SCNN1A: variants seen among roughly 807,000 people sequenced by gnomAD.
SCNN1A encodes sodium channel epithelial 1 subunit alpha.
A neutral mutation model predicts 68.6 loss-of-function variants in SCNN1A; 65 were observed. That is an observed-to-expected ratio of 0.95 (90% CI 0.78 to 1.16). The LOEUF (loss-of-function observed/expected upper bound fraction) is 1.16. SCNN1A is among the 50% of genes most tolerant of loss of function. The pLI is 0.00. For missense variants in SCNN1A, 880 were observed against 865.9 expected (o/e 1.02, Z -0.20); for synonymous variants, 357 against 353.3 (o/e 1.01, Z -0.12).
At chr12:6,359,087 G>C (rs1027684045) in intron 4 of SCNN1A, among the ~76,000 whole-genome samples, 2 of 152,160 alleles carry the variant, frequency 1.3e-5, no homozygotes, top group Non-Finnish European at 2.9e-5. Flanking sequence ...TCAGGGCTTG[G>C]AGGAGGGGAG....
chr12:6,374,794 A>G lies in SCNN1A; in HGVS notation c.-11T>C, dbSNP rs1405821366. On this transcript the variant is annotated 5_prime_UTR_variant, in exon 2 of 13. Transcript: ENST00000228916. The surrounding 1 kb of genome is among the most constrained non-coding windows in gnomAD (Gnocchi z 6.2). ...CTTGTTCCCCTCCATGAGACCTGGT[A>G]TGGGCTGCAGAGGTCTAGGGTCCTG... 1.2e-6 allele frequency: 2 copies of G among 1,613,364 alleles called. No homozygotes were observed. Among genetic ancestry groups the G allele is most frequent in the Non-Finnish European group, 1.7e-6 (2 of 1,179,854 alleles).
chr12:6,350,574 C>T (rs527610310), intron 8 of SCNN1A, among the ~76,000 whole-genome samples: 65 of 152,264 alleles, frequency 4.3e-4, no homozygotes, highest in African/African-American at 1.4e-3. Flanking sequence ...CGGTGGCTCA[C>T]GCCTGTAATA....
chr12:6,349,132 C>A (rs373941745), intron 10 of SCNN1A, 32 bp downstream of exon 10: 3 of 1,609,728 alleles, frequency 1.9e-6, no homozygotes, highest in African/African-American at 2.7e-5. Context: ...TGGGCACACA[C>A]ATCCCCCACC....
At chr12:6,361,165 T>C (rs545243001) in intron 4 of SCNN1A, among the ~76,000 whole-genome samples, 7 of 152,264 alleles carry the variant, frequency 4.6e-5, no homozygotes, top group South Asian at 2.1e-4. Flanking sequence ...ATAGCCCAGA[T>C]AGTCAAAACT....
chr12:6,369,315 ACGCAC>A (rs2136899996), intron 2 of SCNN1A, among the ~76,000 whole-genome samples: 1 of 134,884 alleles, frequency 7.4e-6, no homozygotes, highest in Non-Finnish European at 1.7e-5. Flanking sequence ...CTGCCACCCT[ACGCAC>A]CTCCCTCCTG....
In SCNN1A at chr12:6,351,616, G is replaced by C. The variant is rs1948388131; in HGVS notation, c.1361-2211C>G. Among the ~76,000 whole-genome samples the C allele has an allele frequency of 6.7e-6, 1 of 148,216 alleles. No individual in the cohort carries two copies. Among genetic ancestry groups the C allele is most frequent in the Admixed American group, 6.8e-5 (1 of 14,814 alleles). ...CACTCCAGTCTGGGCGACAGAGGGAGATTCTGTCTCCAGAAGAAAAAAAAA... is the reference window on the plus strand; with the variant it reads ...CACTCCAGTCTGGGCGACAGAGGGACATTCTGTCTCCAGAAGAAAAAAAAA... On this transcript the variant is annotated intron_variant, in intron 8 of 12. Transcript: ENST00000228916. This position sits in a 1 kb window ranked among gnomAD's most constrained non-coding sequence, Gnocchi z 4.2.
Position 6,372,328 on chromosome 12 carries a change from C to T in SCNN1A, c.416+2040G>A, listed in dbSNP as rs1241215422. Among the ~76,000 whole-genome samples the T allele has an allele frequency of 6.6e-6, 1 of 152,194 alleles. No homozygotes were observed. Among genetic ancestry groups the T allele is most frequent in the East Asian group, 1.9e-4 (1 of 5,194 alleles). On this transcript the variant is annotated intron_variant, in intron 2 of 12. Transcript: ENST00000228916. The surrounding 1 kb of genome is among the most constrained non-coding windows in gnomAD (Gnocchi z 5.8). ...CTTTAGGGTGTAGCACATAATGTGA[C>T]TACAAGGTCAAGTGTGTAGTGCTTG...
chr12:6,353,838 C>G (rs1948441155), intron 8 of SCNN1A: 1 of 149,098 alleles, frequency 6.7e-6, no homozygotes, highest in African/African-American at 2.5e-5. Flanking sequence ...ATCCGCCCGC[C>G]GTGGCCTCCC....
At chr12:6,354,185 C>T (rs1948451018) in intron 8 of SCNN1A, among the ~76,000 whole-genome samples, 1 of 151,834 alleles carries the variant, frequency 6.6e-6, no homozygotes, top group South Asian at 2.1e-4. Context: ...GAGCCGAGAT[C>T]GCGCCACTGC....
chr12:6,354,401 G>T, intron 8 of SCNN1A, 37 bp downstream of exon 8: 1 of 1,398,792 alleles, frequency 7.1e-7, no homozygotes, highest in Non-Finnish European at 1.0e-6. Context: ...GAGTACTGGG[G>T]TCAGTGGGGC....
chr12:6,369,761 G>C (rs181033032), intron 2 of SCNN1A, among the ~76,000 whole-genome samples: 2 of 151,272 alleles, frequency 1.3e-5, no homozygotes, highest in African/African-American at 4.9e-5. Context: ...ATGAACCCGG[G>C]AGGCGGAGCT....
At chr12:6,356,746 G>A (rs181279421) in intron 4 of SCNN1A, among the ~76,000 whole-genome samples, 288 of 152,284 alleles carry the variant, frequency 1.9e-3, no homozygotes, top group Admixed American at 5.5e-3. Context: ...TGTGCCACAC[G>A]GCACAGAGAG....
chr12:6,355,943 A>C, intron 4 of SCNN1A, 63 bp from the exon 5 acceptor site: 1 of 1,035,868 alleles, frequency 9.7e-7, no homozygotes, highest in Admixed American at 1.7e-5. Flanking sequence ...GAATAGGGAG[A>C]TGAGGCAGAG....
intron 10 of SCNN1A, 66 bp from the exon 11 acceptor site, chr12:6,349,071 G>C: frequency 6.2e-7 from 1 of 1,604,744 alleles, no homozygotes. Context: ...GGATAGGGTT[G>C]TGTCAAACAC....
rs974522134 is a variant in SCNN1A, at chr12:6,347,633, G to A, written c.*240C>T. The A allele has an allele frequency of 9.2e-6, 5 of 543,344 alleles. No individual in the cohort carries two copies. The South Asian group carries it at 1.3e-4, about 14-fold the overall frequency. 33.7% of individuals were successfully genotyped at this position (543,344 alleles called of 1,614,324 possible). A position where few individuals can be genotyped will look rare whatever the true frequency, so the allele number is the denominator to read the frequency against. On this transcript the variant is annotated 3_prime_UTR_variant, in exon 13 of 13. Transcript: ENST00000228916. The stretch of plus-strand genomic sequence containing the variant: ...GCCGCAGTTGGGTGGGGAAACCAGA[G>A]TGTTCAGAGGCAGTACCAAGGGGTA...
At chr12:6,348,878 G>T in intron 11 of SCNN1A, 72 bp downstream of exon 11, 2 of 1,601,356 alleles carry the variant, frequency 1.2e-6, no homozygotes, top group South Asian at 1.1e-5. Context: ...CAACCATATC[G>T]ATCCCTCTTC....
intron 4 of SCNN1A, among the ~76,000 whole-genome samples, chr12:6,360,437 G>A (rs1382202205): frequency 3.3e-5 from 5 of 152,132 alleles, no homozygotes; most frequent in African/African-American, 9.7e-5. Flanking sequence ...GGGAGGCATC[G>A]GGTGAGGGCA....
At chr12:6,370,212 A>G (rs1457944421) in intron 2 of SCNN1A, among the ~76,000 whole-genome samples, 1 of 152,236 alleles carries the variant, frequency 6.6e-6, no homozygotes, top group African/African-American at 2.4e-5. Context: ...AGGCCTATCA[A>G]CTAGGCAAAT....
intron 8 of SCNN1A, among the ~76,000 whole-genome samples, chr12:6,352,967 C>A (rs1027347344): frequency 1.3e-5 from 2 of 152,224 alleles, no homozygotes; most frequent in Non-Finnish European, 2.9e-5. Context: ...ACAGCTGGGC[C>A]CAGGGGAGAG....
Sources: gnomAD v4.1 joint callset for allele counts (sites outside exome capture counted in the v4.1 genomes callset) on GRCh38, gnomAD v4.1.1 for gene constraint, Gnocchi (gnomAD v3.1) non-coding constraint, MANE v1.5 for transcripts, NCBI Gene and HGNC (gene_info 2026-07-23, HGNC 2026-07-21) for gene names.